Variants in DLC1 observed in about 807,000 individuals in gnomAD.
DLC1 encodes the protein rho GTPase-activating protein 7.
Under a neutral mutation model 140.3 loss-of-function variants are expected in DLC1, and 54 were observed. That is an observed-to-expected ratio of 0.38 (90% CI 0.31 to 0.48). The LOEUF is 0.48. Ranked by LOEUF, DLC1 falls within the 20% of genes least tolerant of loss-of-function variation. The probability of loss-of-function intolerance (pLI) is 0.96; values close to 1 mark genes in which losing one functional copy is unlikely to be tolerated. For missense variants in DLC1, 2,536 were observed against 1,907.0 expected (o/e 1.33, Z -6.14); for synonymous variants, 986 against 728.1 (o/e 1.35, Z -5.70).
At chr8:13,425,917 G>A (rs547764271) in intron 2 of DLC1, among the ~76,000 whole-genome samples, 121 of 152,180 alleles carry the variant, frequency 8.0e-4, no homozygotes, top group African/African-American at 2.4e-3. Context: ...TTAAAGAAAG[G>A]TCTGAAGGCC....
upstream of DLC1, among the ~76,000 whole-genome samples, chr8:13,519,274 C>A (rs555759061): frequency 2.0e-5 from 3 of 152,128 alleles, no homozygotes; most frequent in Admixed American, 2.0e-4. Context: ...ACTACTGGCA[C>A]CCGCCACCAT....
chr8:13,517,569 T>C (rs1465987491), upstream of DLC1, among the ~76,000 whole-genome samples: 1 of 152,168 alleles, frequency 6.6e-6, no homozygotes, highest in Non-Finnish European at 1.5e-5. Context: ...AGTGTAAAGA[T>C]AAATAGTGAG....
At chr8:13,240,725 A>C (rs1829510060) in intron 5 of DLC1, among the ~76,000 whole-genome samples, 1 of 152,184 alleles carries the variant, frequency 6.6e-6, no homozygotes, top group African/African-American at 2.4e-5. Flanking sequence ...GAGCCACTGC[A>C]TCTGGCCTGG....
chr8:13,225,351 T>C (rs990519555), intron 5 of DLC1, among the ~76,000 whole-genome samples: 2 of 152,132 alleles, frequency 1.3e-5, no homozygotes, highest in African/African-American at 2.4e-5. Flanking sequence ...GTCAAGAGAT[T>C]TGTCAGAGTT....
At chr8:13,524,709 GTT>G (rs76587130) in intron 1 of DLC1, among the ~76,000 whole-genome samples, 1 of 147,328 alleles carries the variant, frequency 6.8e-6, no homozygotes, top group Non-Finnish European at 1.5e-5. Flanking sequence ...TTTCTGTTGT[GTT>G]TTTTTTTTCA....
chr8:13,355,771 T>C (rs899352623), intron 4 of DLC1, among the ~76,000 whole-genome samples: 1 of 152,002 alleles, frequency 6.6e-6, no homozygotes, highest in Admixed American at 6.5e-5. Context: ...AACACAAAGT[T>C]GTACTGATTC....
intron 5 of DLC1, among the ~76,000 whole-genome samples, chr8:13,300,474 T>C (rs1032093511): frequency 5.3e-5 from 8 of 152,058 alleles, no homozygotes; most frequent in Admixed American, 4.6e-4. Flanking sequence ...AAAAACAAAC[T>C]CTCCAACCTC....
At chr8:13,208,162 G>A (rs1217467953) in intron 5 of DLC1, among the ~76,000 whole-genome samples, 2 of 152,064 alleles carry the variant, frequency 1.3e-5, no homozygotes, top group African/African-American at 4.8e-5. Context: ...TTCTGTTTTT[G>A]TTGTTGGTGT....
At chr8:13,233,601 C>G (rs1829153378) in intron 5 of DLC1, among the ~76,000 whole-genome samples, 1 of 152,186 alleles carries the variant, frequency 6.6e-6, no homozygotes, top group South Asian at 2.1e-4. Flanking sequence ...GAATGTACTC[C>G]AGAGAAATTT....
intron 1 of DLC1, among the ~76,000 whole-genome samples, chr8:13,566,408 A>G (rs757597368): frequency 1.3e-4 from 17 of 131,888 alleles, no homozygotes; most frequent in Non-Finnish European, 2.7e-4. Context: ...ATGCTGGAGC[A>G]CAGAACACTA....
intron 2 of DLC1, among the ~76,000 whole-genome samples, chr8:13,479,141 A>T (rs1028142017): frequency 6.6e-6 from 1 of 152,204 alleles, no homozygotes; most frequent in Non-Finnish European, 1.5e-5. Flanking sequence ...TGGAGAAAAG[A>T]TGTTATTTTG....
intron 2 of DLC1, among the ~76,000 whole-genome samples, chr8:13,465,567 G>A (rs554372866): frequency 6.6e-5 from 10 of 151,820 alleles, no homozygotes; most frequent in African/African-American, 1.9e-4. Context: ...TTTTTTGCCC[G>A]TTCTTCTTCT....
intron 7 of DLC1, among the ~76,000 whole-genome samples, chr8:13,110,488 T>A (rs1303006982): frequency 6.6e-6 from 1 of 152,208 alleles, no homozygotes; most frequent in Non-Finnish European, 1.5e-5. Context: ...TGTTACTTGT[T>A]ACACCAATTA....
chr8:13,506,581 G>GTGTA (rs1246764417), intron 1 of DLC1, among the ~76,000 whole-genome samples: 1 of 131,140 alleles, frequency 7.6e-6, no homozygotes, highest in African/African-American at 3.2e-5. Flanking sequence ...GTGTGTGTGT[G>GTGTA]TATATATATA....
chr8:13,099,859 A>G lies in DLC1; in HGVS notation c.2478T>C (p.Ser826=). ...GTFPKALTNG[S]FSPSGNNGSV... ...AGCCGTTATTCCCCGAGGGGGAGAAACTGCCATTGGTGAGAGCTTTGGGGA... is the reference window on the plus strand; with the variant it reads ...AGCCGTTATTCCCCGAGGGGGAGAAGCTGCCATTGGTGAGAGCTTTGGGGA... The change falls in exon 9 of 18, where the codon AGT becomes AGC. Residue 826 remains serine, a synonymous_variant. Transcript: ENST00000276297. The G allele has an allele frequency of 6.2e-7, 1 of 1,614,150 alleles. No homozygotes were observed. The highest frequency in any genetic ancestry group is 1.1e-5 in the South Asian group (1 of 91,074).
chr8:13,102,472 T>C (rs1269694660), intron 8 of DLC1, among the ~76,000 whole-genome samples: 3 of 152,226 alleles, frequency 2.0e-5, no homozygotes, highest in Non-Finnish European at 4.4e-5. Flanking sequence ...ATTTCCTCTA[T>C]GAGCAATGCA....
At chr8:13,091,657 G>A (rs535975229) in intron 13 of DLC1, among the ~76,000 whole-genome samples, 49 of 152,262 alleles carry the variant, frequency 3.2e-4, no homozygotes, top group Middle Eastern at 3.4e-3. Flanking sequence ...ATGAAATCCA[G>A]GTGATTCAAA....
chr8:13,143,873 T>A lies in DLC1; in HGVS notation c.1349-28216A>T, dbSNP rs369297911. Among the ~76,000 whole-genome samples, 1,172 of 138,302 alleles carry A rather than the reference T, an allele frequency of 8.5e-3. 16 individuals carry two copies. Among genetic ancestry groups the A allele is most frequent in the African/African-American group, 0.031 (1,085 of 34,948 alleles). 90.7% of individuals were successfully genotyped at this position (138,302 alleles called of 152,430 possible). The stretch of plus-strand genomic sequence containing the variant: ...GAGAGACATAGACATGCCAAGGTTT[T>A]CCAGCCGTTTCAGCCCAGAGCTGTT... On this transcript the variant is annotated intron_variant, in intron 5 of 17. Transcript: ENST00000276297.
chr8:13,563,805 G>C (rs1406024634), intron 1 of DLC1, among the ~76,000 whole-genome samples: 1 of 152,140 alleles, frequency 6.6e-6, no homozygotes, highest in African/African-American at 2.4e-5. Context: ...CCTTGCATCT[G>C]AATGTATTTG....
Sources: gnomAD v4.1 joint callset for allele counts (sites outside exome capture counted in the v4.1 genomes callset) on GRCh38, gnomAD v4.1.1 for gene constraint, MANE v1.5 for transcripts, NCBI Gene and HGNC (gene_info 2026-07-23, HGNC 2026-07-21) for gene names.